AIFM3: variants seen among roughly 807,000 people sequenced by gnomAD.
AIFM3 encodes apoptosis-inducing factor 3.
A neutral mutation model predicts 82.7 loss-of-function variants in AIFM3; 71 were observed. That is an observed-to-expected ratio of 0.86 (90% CI 0.71 to 1.05). The LOEUF (loss-of-function observed/expected upper bound fraction) is 1.05, where lower values mean the gene tolerates loss of function less well. AIFM3 is among the 50% of genes least tolerant of loss of function. The pLI, the probability that AIFM3 is intolerant of heterozygous loss-of-function variation, is 0.00. For missense variants in AIFM3, 748 were observed against 816.7 expected (o/e 0.92, Z 1.03); for synonymous variants, 337 against 329.1 (o/e 1.02, Z -0.26).
In AIFM3 at chr22:20,974,070, G is replaced by A. The variant is rs1923463454; in HGVS notation, c.363G>A (p.Leu121=). The A allele has an allele frequency of 1.2e-6, 2 of 1,608,160 alleles. No homozygotes were observed. Among genetic ancestry groups the A allele is most frequent in the African/African-American group, 2.7e-5 (2 of 74,872 alleles). Residue 121 remains leucine (L), a synonymous_variant, in exon 5 of 21, where the codon CTG becomes CTA. Coordinates refer to ENST00000440238, the MANE Select transcript of AIFM3 (RefSeq NM_001386814.1). ...AACACCTCCCCTTCCCAGGCGTTCT[G>A]TCCCGTGGTCGGGTGCGCTGCCCCT... ...HYGAPLVKGV[L]SRGRVRCPWH...
chr22:20,972,965 T>C (rs1923362908), intron 2 of AIFM3, among the ~76,000 whole-genome samples: 1 of 151,442 alleles, frequency 6.6e-6, no homozygotes, highest in Non-Finnish European at 1.5e-5. Flanking sequence ...GAGAATCACT[T>C]GAACCCAGGA....
chr22:20,974,964 TTTG>T lies in AIFM3; in HGVS notation c.720+160_720+162del, dbSNP rs772019094. On this transcript the variant is annotated intron_variant, in intron 8 of 20. Transcript: ENST00000440238. ...CCGTGGTACCCCCAAAAGATCTAGATTTGTTGTTGTTGTTTTGAGACAGGGTCT... is the reference window on the plus strand; with the variant it reads ...CCGTGGTACCCCCAAAAGATCTAGATTTGTTGTTGTTTTGAGACAGGGTCT... 7.0e-5 allele frequency: 54 copies of T among 766,656 alleles called. 1 individual carries two copies. The highest frequency in any genetic ancestry group is 7.7e-4 in the Middle Eastern group (2 of 2,582). 47.5% of individuals were successfully genotyped at this position (766,656 alleles called of 1,614,324 possible). A position where few individuals can be genotyped will look rare whatever the true frequency, so the allele number is the denominator to read the frequency against.
In AIFM3 at chr22:20,981,282, C is replaced by CT; in HGVS notation, c.*252dup. On this transcript the variant is annotated 3_prime_UTR_variant, in exon 21 of 21. Transcript: ENST00000440238. ...AGGACAAGCCCTGCCTCTTCTCCCT[C>CT]TATTGGGACTGGTCCCCTGAAGAAC... 1 of 562,236 alleles carries CT rather than the reference C, an allele frequency of 1.8e-6. No homozygotes were observed. The highest frequency in any genetic ancestry group is 3.2e-6 in the Non-Finnish European group (1 of 312,136). The allele number at this position is 562,236 out of a possible 1,614,324, so 34.8% of individuals were successfully genotyped here. A position where few individuals can be genotyped will look rare whatever the true frequency, so the allele number is the denominator to read the frequency against.
chr22:20,969,150 C>T (rs1004957718), intron 2 of AIFM3, among the ~76,000 whole-genome samples: 3 of 152,172 alleles, frequency 2.0e-5, no homozygotes, highest in Non-Finnish European at 4.4e-5. Context: ...TCTGTGGCAC[C>T]GCTGGGCTGG....
At chr22:20,972,402 CAAA>C (rs58947717) in intron 2 of AIFM3, among the ~76,000 whole-genome samples, 25 of 125,692 alleles carry the variant, frequency 2.0e-4, no homozygotes, top group Non-Finnish European at 2.0e-4. Flanking sequence ...AACTCCATCT[CAAA>C]AAAAAAAAAA....
At chr22:20,979,510 A>G (rs372723813) in intron 17 of AIFM3, 117 bp from the exon 18 acceptor site, 4 of 1,479,078 alleles carry the variant, frequency 2.7e-6, no homozygotes, top group East Asian at 2.3e-5. Flanking sequence ...CGGCAAGGCT[A>G]CGAACTACCT....
At chr22:20,979,235 CGA>C in intron 16 of AIFM3, 34 bp from the exon 17 acceptor site, 1 of 1,548,306 alleles carries the variant, frequency 6.5e-7, no homozygotes, top group Non-Finnish European at 8.7e-7. Flanking sequence ...GTGGTAAGAG[CGA>C]GAGTTAGGGT....
intron 9 of AIFM3, 76 bp downstream of exon 9, chr22:20,975,854 G>A: frequency 6.6e-7 from 1 of 1,515,134 alleles, no homozygotes. Flanking sequence ...CCCTGGGGTG[G>A]GGTCTTGGTG....
At chr22:20,973,114 C>T (rs1325465323) in intron 2 of AIFM3, among the ~76,000 whole-genome samples, 193 bp from the exon 3 acceptor site, 1 of 151,966 alleles carries the variant, frequency 6.6e-6, no homozygotes, top group Non-Finnish European at 1.5e-5. Context: ...CCCCACCCAT[C>T]CATGCCCCTC....
intron 2 of AIFM3, among the ~76,000 whole-genome samples, chr22:20,973,095 C>T (rs560755700): frequency 5.9e-5 from 9 of 152,158 alleles, no homozygotes; most frequent in East Asian, 3.9e-4. Context: ...CAAGCAGACC[C>T]GGGAGCACCC....
At chr22:20,973,625 C>A in intron 3 of AIFM3, 105 bp downstream of exon 3, 1 of 1,392,276 alleles carries the variant, frequency 7.2e-7, no homozygotes, top group Non-Finnish European at 9.8e-7. Context: ...CTATGACCAG[C>A]TGCTGCCCTG....
intron 17 of AIFM3, 103 bp downstream of exon 17, chr22:20,979,472 T>C (rs1923937621): frequency 6.8e-7 from 1 of 1,475,286 alleles, no homozygotes; most frequent in Non-Finnish European, 9.3e-7. Context: ...ATGACCGCAC[T>C]AGGAAGAGGC....
Position 20,967,879 on chromosome 22 carries a change from C to T in AIFM3, c.-66C>T, listed in dbSNP as rs780050452. On this transcript the variant is annotated 5_prime_UTR_variant, in exon 2 of 21. Transcript: ENST00000440238. ...GCAGGGGGTCCAGCCCCATGGGGGGCGCCCTAGGCCTCCGACAGCTCCCCA... is the reference window on the plus strand; with the variant it reads ...GCAGGGGGTCCAGCCCCATGGGGGGTGCCCTAGGCCTCCGACAGCTCCCCA... 1.1e-5 allele frequency: 18 copies of T among 1,587,368 alleles called. 1 individual carries two copies. Among genetic ancestry groups the T allele is most frequent in the East Asian group, 8.9e-5 (4 of 44,740 alleles).
At chr22:20,972,892 A>G (rs1394599353) in intron 2 of AIFM3, among the ~76,000 whole-genome samples, 1 of 152,044 alleles carries the variant, frequency 6.6e-6, no homozygotes, top group Non-Finnish European at 1.5e-5. Context: ...CAACCCTGTC[A>G]CGCCACACCT....
intron 2 of AIFM3, among the ~76,000 whole-genome samples, 192 bp downstream of exon 2, chr22:20,968,167 CT>C (rs1163483125): frequency 6.6e-6 from 1 of 152,208 alleles, no homozygotes; most frequent in East Asian, 1.9e-4. Flanking sequence ...CAGCTGGCCC[CT>C]GCTCCAGTGG....
chr22:20,965,763 C>T (rs1441812011), upstream of AIFM3, among the ~76,000 whole-genome samples: 1 of 151,980 alleles, frequency 6.6e-6, no homozygotes, highest in East Asian at 1.9e-4. Context: ...CCTGCCCAGC[C>T]TGCACCCTGG....
Position 20,976,632 on chromosome 22 carries a change from A to C in AIFM3, c.1031-19A>C, listed in dbSNP as rs2147945825. On this transcript the variant is annotated intron_variant, in intron 11 of 20. Transcript: ENST00000440238. Reference sequence around the variant, plus strand: ...AGGAAGGTGCAGGTGCCAGCCTGCCACCCCCTGCCCATCACCAGGGATGGA... The same window carrying C: ...AGGAAGGTGCAGGTGCCAGCCTGCCCCCCCCTGCCCATCACCAGGGATGGA... The C allele has an allele frequency of 6.2e-7, 1 of 1,611,074 alleles. No individual in the cohort carries two copies.
At chr22:20,966,240 C>T (rs6005061), upstream of AIFM3, among the ~76,000 whole-genome samples, 98,260 of 151,604 alleles carry the variant, frequency 0.65, 32,298 homozygotes, top group African/African-American at 0.76. Flanking sequence ...AGGAAGGAAG[C>T]GGGCAGGGCT....
Position 20,967,877 on chromosome 22 carries a change from G to A in AIFM3, c.-68G>A. 6.3e-7 allele frequency: 1 copy of A among 1,585,540 alleles called. No homozygotes were observed. Among genetic ancestry groups the A allele is most frequent in the East Asian group, 2.2e-5 (1 of 44,716 alleles). ...CTGCAGGGGGTCCAGCCCCATGGGG[G>A]GCGCCCTAGGCCTCCGACAGCTCCC... On this transcript the variant is annotated 5_prime_UTR_variant, in exon 2 of 21. Transcript: ENST00000440238.
Sources: gnomAD v4.1 joint callset for allele counts (sites outside exome capture counted in the v4.1 genomes callset) on GRCh38, gnomAD v4.1.1 for gene constraint, MANE v1.5 for transcripts, NCBI Gene and HGNC (gene_info 2026-07-23, HGNC 2026-07-21) for gene names.